The following DOCK8 variants were observed in gnomAD, a reference collection of about 807,000 sequenced individuals.
The protein encoded by DOCK8 is dedicator of cytokinesis 8.
A neutral mutation model predicts 245.6 loss-of-function variants in DOCK8; 141 were observed. That is an observed-to-expected ratio of 0.57 (90% CI 0.50 to 0.66). The LOEUF is 0.66. Ranked by LOEUF, DOCK8 falls within the 30% of genes least tolerant of loss-of-function variation. The pLI is 0.00. For missense variants in DOCK8, 2,965 were observed against 2,603.4 expected, an observed-to-expected ratio of 1.14 and a Z score of -3.02; for synonymous variants, 1,168 against 970.2, an observed-to-expected ratio of 1.20 and a Z score of -3.79.
chr9:441,000 C>T (rs566394511), intron 40 of DOCK8, among the ~76,000 whole-genome samples: 2 of 152,272 alleles, frequency 1.3e-5, no homozygotes, highest in African/African-American at 4.8e-5. Context: ...TCCCAAAGTG[C>T]TGGGATTACA....
intron 4 of DOCK8, among the ~76,000 whole-genome samples, chr9:301,077 GACACAAAAATCCTCA>G (rs1473830642): frequency 6.6e-6 from 1 of 152,080 alleles, no homozygotes; most frequent in Non-Finnish European, 1.5e-5. Context: ...GATGAACATC[GACACAAAAATCCTCA>G]ACAAAATACT....
At chr9:381,643 T>G (rs1169789471) in intron 21 of DOCK8, among the ~76,000 whole-genome samples, 1 of 152,100 alleles carries the variant, frequency 6.6e-6, no homozygotes, top group Admixed American at 6.6e-5. Flanking sequence ...ATCTGAAAAT[T>G]TGATTGAGTT....
intron 29 of DOCK8, among the ~76,000 whole-genome samples, chr9:417,373 T>C (rs967207828): frequency 1.3e-5 from 2 of 152,232 alleles, no homozygotes; most frequent in Non-Finnish European, 2.9e-5. Flanking sequence ...TTTTTCTAAA[T>C]AATTGAAGGC....
At chr9:243,240 T>A (rs1012434046) in intron 1 of DOCK8, among the ~76,000 whole-genome samples, 1 of 152,208 alleles carries the variant, frequency 6.6e-6, no homozygotes, top group African/African-American at 2.4e-5. Flanking sequence ...GTGACCTTTA[T>A]ATGTTTCTTT....
intron 14 of DOCK8, among the ~76,000 whole-genome samples, chr9:347,938 G>A (rs1050135946): frequency 6.6e-6 from 1 of 152,028 alleles, no homozygotes; most frequent in Non-Finnish European, 1.5e-5. Context: ...TACCTTTTTC[G>A]TTACAAAACA....
In DOCK8 at chr9:333,589, A is replaced by G. The variant is rs144897407; in HGVS notation, c.1126-636A>G. On this transcript the variant is annotated intron_variant, in intron 10 of 47. Coordinates refer to ENST00000432829, the MANE Select transcript of DOCK8 (RefSeq NM_203447.4). ...GCACTCCAGCCTGGGTGACAGAGTG[A>G]GACTCTGTCTCAAAAAAAAAAAAAA... is the stretch of plus-strand genomic sequence containing the variant. Among the ~76,000 whole-genome samples the G allele has an allele frequency of 4.6e-4, 67 of 145,594 alleles. 1 individual carries two copies. Among genetic ancestry groups the G allele is most frequent in the African/African-American group, 1.2e-3 (47 of 37,616 alleles).
At chr9:221,265 C>A (rs926643013) in intron 1 of DOCK8, among the ~76,000 whole-genome samples, 1 of 152,128 alleles carries the variant, frequency 6.6e-6, no homozygotes, top group African/African-American at 2.4e-5. Flanking sequence ...GAACCAGTTT[C>A]TCCAGCTGTC....
At chr9:420,699 G>C (rs2056240672) in intron 31 of DOCK8, 116 bp downstream of exon 31, 2 of 1,393,254 alleles carry the variant, frequency 1.4e-6, no homozygotes, top group East Asian at 2.3e-5. Context: ...TCTCATTTCT[G>C]TATTCAAATC....
At chr9:298,618 AGTGTGTGTGTGTGT>A (rs34998339) in intron 4 of DOCK8, among the ~76,000 whole-genome samples, 53 of 145,398 alleles carry the variant, frequency 3.6e-4, no homozygotes, top group Non-Finnish European at 5.3e-4. Context: ...CACATCTGTA[AGTGTGTGTGTGTGT>A]GTGTGTGTGT....
intron 23 of DOCK8, 128 bp from the exon 24 acceptor site, chr9:390,343 A>G (rs527863834): frequency 2.4e-5 from 20 of 848,974 alleles, no homozygotes; most frequent in Non-Finnish European, 3.3e-5. Flanking sequence ...ACTGCCTAGA[A>G]CATCTAAGAC....
intron 1 of DOCK8, among the ~76,000 whole-genome samples, chr9:238,047 A>G (rs1412523197): frequency 6.6e-6 from 1 of 152,124 alleles, no homozygotes; most frequent in African/African-American, 2.4e-5. Flanking sequence ...ACTTTTTGTG[A>G]CTATTTTTCT....
chr9:360,135 G>T (rs2131104491), intron 14 of DOCK8, among the ~76,000 whole-genome samples: 1 of 152,006 alleles, frequency 6.6e-6, no homozygotes, highest in South Asian at 2.1e-4. Flanking sequence ...GGCCAACATG[G>T]TGAAACCCCA....
At chr9:233,545 G>C (rs1231318547) in intron 1 of DOCK8, among the ~76,000 whole-genome samples, 2 of 151,370 alleles carry the variant, frequency 1.3e-5, no homozygotes, top group East Asian at 3.9e-4. Context: ...TCTCTTTGTA[G>C]GTCACTAAGG....
intron 4 of DOCK8, among the ~76,000 whole-genome samples, chr9:304,265 C>G (rs139816321): frequency 6.6e-6 from 1 of 152,192 alleles, no homozygotes; most frequent in African/African-American, 2.4e-5. Flanking sequence ...GCCACTTACA[C>G]TAGGGTCATA....
intron 5 of DOCK8, among the ~76,000 whole-genome samples, chr9:310,311 CACTTTA>C (rs142662338): frequency 0.02 from 3,068 of 151,036 alleles, 96 homozygotes; most frequent in African/African-American, 0.071. Flanking sequence ...TTATTAAATA[CACTTTA>C]ACTTTAGAAG....
At chr9:400,013 T>TCACCACCACCACCACCTCCACCATCAC (rs760976824) in intron 26 of DOCK8, among the ~76,000 whole-genome samples, 1 of 45,704 alleles carries the variant, frequency 2.2e-5, no homozygotes, top group African/African-American at 1.0e-4. Context: ...ACCTCCACCA[T>TCACCACCACCACCACCTCCACCATCAC]CACCACCACC....
At chr9:333,471 C>A (rs187704987) in intron 10 of DOCK8, among the ~76,000 whole-genome samples, 4 of 152,094 alleles carry the variant, frequency 2.6e-5, no homozygotes, top group South Asian at 2.1e-4. Context: ...CATGGTGGCA[C>A]GTGCCTGTAT....
chr9:279,600 C>T (rs531434660), intron 2 of DOCK8, among the ~76,000 whole-genome samples: 10 of 152,238 alleles, frequency 6.6e-5, no homozygotes, highest in African/African-American at 2.4e-4. Context: ...CAATTGGTTG[C>T]CTTCCATGGG....
At position 260,059 on chromosome 9, in the gene DOCK8, C is replaced by A. The variant is rs529205558; in HGVS notation, c.54-11568C>A. Among the ~76,000 whole-genome samples the A allele has an allele frequency of 2.0e-5, 3 of 152,334 alleles. No homozygotes were observed. The South Asian group carries it at 6.2e-4, about 32-fold the overall frequency. On this transcript the variant is annotated intron_variant, in intron 1 of 47. Transcript: ENST00000432829. ...TAAACTAGATATGGGTTGCTAGGGA[C>A]ATGGGCAAGAAACCATGGGTGGGGA...
Sources: allele counts gnomAD v4.1 joint callset (sites outside exome capture counted in the v4.1 genomes callset), GRCh38; gene constraint gnomAD v4.1.1; transcripts MANE v1.5; gene names NCBI Gene and HGNC (gene_info 2026-07-23, HGNC 2026-07-21).